The following HNF4A variants were observed in gnomAD, a reference collection of about 807,000 sequenced individuals.
The protein encoded by HNF4A is hepatocyte nuclear factor 4 alpha.
In HNF4A, 15 loss-of-function variants were observed where a neutral mutation model predicts 52.4. That is an observed-to-expected ratio of 0.29 (90% confidence interval 0.19 to 0.44). The LOEUF (loss-of-function observed/expected upper bound fraction) is 0.44, where lower values mean the gene tolerates loss of function less well. Among genes scored for constraint, HNF4A ranks in the 20% least tolerant of loss-of-function variants. The probability of loss-of-function intolerance (pLI) is 1.00; values close to 1 mark genes in which losing one functional copy is unlikely to be tolerated. For synonymous variants in HNF4A, 280 were observed against 264.4 expected (o/e 1.06, Z -0.57); for missense variants, 479 against 647.2 (o/e 0.74, Z 2.82).
At chr20:44,386,193 G>A (rs1462862786) in intron 1 of HNF4A, among the ~76,000 whole-genome samples, 3 of 113,024 alleles carry the variant, frequency 2.7e-5, no homozygotes, top group East Asian at 2.7e-4. Context: ...TTGAGACAGA[G>A]TTTTGCTCTT....
intron 5 of HNF4A, among the ~76,000 whole-genome samples, chr20:44,416,890 C>T (rs1309095397): frequency 6.6e-6 from 1 of 152,072 alleles, no homozygotes; most frequent in Non-Finnish European, 1.5e-5. Context: ...ATCCTTTCCA[C>T]TCCCCTCCCT....
At chr20:44,413,931 A>T (rs1367006266) in intron 4 of HNF4A, 131 bp downstream of exon 4, 1 of 712,512 alleles carries the variant, frequency 1.4e-6, no homozygotes, top group East Asian at 2.7e-5. Context: ...TACAGAAGGG[A>T]CACTGAGTCC....
At chr20:44,366,678 A>G (rs1360236464) in intron 1 of HNF4A, among the ~76,000 whole-genome samples, 2 of 152,230 alleles carry the variant, frequency 1.3e-5, no homozygotes, top group Non-Finnish European at 2.9e-5. Context: ...CACAAAGTAC[A>G]GGGGCCAATT....
intron 1 of HNF4A, among the ~76,000 whole-genome samples, chr20:44,375,259 G>A (rs2063072920): frequency 6.6e-6 from 1 of 151,022 alleles, no homozygotes; most frequent in South Asian, 2.1e-4. Context: ...AATTGTTTAA[G>A]TTCCTTGTAG....
rs148745312 is a variant in HNF4A at position 44,428,431 on chromosome 20, C to T, written c.1226C>T (p.Pro409Leu). 6.2e-7 allele frequency: 1 copy of T among 1,614,180 alleles called. No individual in the cohort carries two copies. The highest frequency in any genetic ancestry group is 8.5e-7 in the Non-Finnish European group (1 of 1,180,026). The stretch of plus-strand genomic sequence containing the variant: ...AACGTCATCGTTGCCAACACAATGC[C>T]CACTCACCTCAGCAACGGACAGATG... The change falls in exon 9 of 10, where the codon CCC becomes CTC. Residue 409 changes from proline to leucine, a missense_variant. Pro to Leu is a moderately conservative substitution (Grantham distance 98, BLOSUM62 -3). Around this residue, in one of 3 missense-constraint regions of HNF4A, gnomAD observed 389 missense variants for 525.1 expected, o/e 0.74. Transcript: ENST00000316099.
intron 1 of HNF4A, chr20:44,372,860 T>C (rs894430023): frequency 3.9e-5 from 6 of 152,294 alleles, no homozygotes; most frequent in African/African-American, 1.4e-4. Context: ...AAAAGGAATC[T>C]TGGCAATGAT....
At chr20:44,367,555 C>T (rs931867082) in intron 1 of HNF4A, among the ~76,000 whole-genome samples, 6 of 150,676 alleles carry the variant, frequency 4.0e-5, no homozygotes, top group African/African-American at 1.5e-4. Flanking sequence ...ACAGGAGAAT[C>T]GCTTGAACCC....
chr20:44,416,488 G>A (rs1188473902), intron 5 of HNF4A, among the ~76,000 whole-genome samples: 1 of 152,270 alleles, frequency 6.6e-6, no homozygotes, highest in Non-Finnish European at 1.5e-5. Context: ...AGTGACTGAT[G>A]AAAGACTTGC....
intron 1 of HNF4A, chr20:44,395,435 G>A (rs535373243): frequency 6.6e-6 from 1 of 152,342 alleles, no homozygotes; most frequent in South Asian, 2.1e-4. Flanking sequence ...TCAAGGAAGA[G>A]AAAGGGAGGG....
intron 1 of HNF4A, among the ~76,000 whole-genome samples, chr20:44,365,312 G>A (rs1051360424): frequency 2.0e-5 from 3 of 152,004 alleles, no homozygotes; most frequent in African/African-American, 4.8e-5. Flanking sequence ...GGGACCACAG[G>A]TGCATGCCAC....
At chr20:44,368,086 A>ATGTGTGTGTG (rs544910153) in intron 1 of HNF4A, among the ~76,000 whole-genome samples, 1 of 102,210 alleles carries the variant, frequency 9.8e-6, no homozygotes, top group African/African-American at 4.0e-5. Context: ...ATATATATAT[A>ATGTGTGTGTG]TGTGTGTGTG....
intron 5 of HNF4A, 144 bp downstream of exon 5, chr20:44,414,806 T>C (rs1310807032): frequency 3.9e-6 from 3 of 770,830 alleles, no homozygotes; most frequent in Non-Finnish European, 6.3e-6. Flanking sequence ...TGTCTGAAAC[T>C]TTAAATCACC....
chr20:44,426,625 A>G (rs1400023269), intron 8 of HNF4A, among the ~76,000 whole-genome samples: 1 of 152,060 alleles, frequency 6.6e-6, no homozygotes, highest in Non-Finnish European at 1.5e-5. Flanking sequence ...CAACACAGCA[A>G]AACACCATCT....
intron 1 of HNF4A, chr20:44,390,692 C>T: frequency 1.4e-6 from 1 of 701,232 alleles, no homozygotes; most frequent in East Asian, 2.7e-5. Context: ...ATGGTCCTGA[C>T]TCCACATCTG....
At chr20:44,409,767 T>G (rs2063554456) in intron 3 of HNF4A, among the ~76,000 whole-genome samples, 1 of 151,750 alleles carries the variant, frequency 6.6e-6, no homozygotes, top group South Asian at 2.1e-4. Flanking sequence ...TGAGTCTCGC[T>G]CCTCACTCCC....
At chr20:44,404,881 TTGGTGTGTGTGAACTG>T (rs1165645248) in intron 1 of HNF4A, among the ~76,000 whole-genome samples, 3 of 95,938 alleles carry the variant, frequency 3.1e-5, no homozygotes, top group Non-Finnish European at 6.3e-5. Context: ...GTGTGACTGC[TTGGTGTGTGTGAACTG>T]TGGTGTGTGT....
intron 6 of HNF4A, 127 bp from the exon 7 acceptor site, chr20:44,419,594 G>A: frequency 1.2e-6 from 1 of 849,018 alleles, no homozygotes; most frequent in Non-Finnish European, 2.0e-6. Context: ...TGTGAAATGG[G>A]AGTCACCATC....
rs2146339934 is a variant in HNF4A, at chr20:44,401,339, T to C, written c.-34T>C. The C allele has an allele frequency of 2.5e-6, 4 of 1,613,184 alleles. No homozygotes were observed. The highest frequency in any genetic ancestry group is 3.4e-6 in the Non-Finnish European group (4 of 1,179,766). On this transcript the variant is annotated 5_prime_UTR_variant, in exon 1 of 10. Coordinates refer to ENST00000316099, the MANE Select transcript of HNF4A (RefSeq NM_000457.6). Reference sequence around the variant, plus strand: ...GGGCCTTCGGGGTGGGCGCCCAGGGTAGGGCAGGTGGCCGCGGCGTGGAGG... The same window carrying C: ...GGGCCTTCGGGGTGGGCGCCCAGGGCAGGGCAGGTGGCCGCGGCGTGGAGG...
chr20:44,419,821 G>A lies in HNF4A; in HGVS notation c.837G>A (p.Leu279=). The change falls in exon 7 of 10, where the codon CTG becomes CTA. Residue 279 remains leucine, a synonymous_variant. Transcript: ENST00000316099. The stretch of plus-strand genomic sequence containing the variant: ...AGCTGGTGCTGCCCTTCCAGGAGCT[G>A]CAGATCGATGACAATGAGTATGCCT... 15 of 1,614,090 alleles carry A rather than the reference G, an allele frequency of 9.3e-6. No individual in the cohort carries two copies. The highest frequency in any genetic ancestry group is 1.3e-5 in the Non-Finnish European group (15 of 1,179,998).
Sources: gnomAD v4.1 joint callset for allele counts (sites outside exome capture counted in the v4.1 genomes callset) on GRCh38, gnomAD v4.1.1 for gene constraint, gnomAD v4.1.1 regional missense constraint, MANE v1.5 for transcripts, NCBI Gene and HGNC (gene_info 2026-07-23, HGNC 2026-07-21) for gene names.